The following PFKP variants were observed in gnomAD, a reference collection of about 807,000 sequenced individuals.
The protein encoded by PFKP is ATP-dependent 6-phosphofructokinase, platelet type.
Under a neutral mutation model 94.3 loss-of-function variants are expected in PFKP, and 101 were observed. The ratio of observed to expected loss-of-function variants is 1.07; its 90% CI spans 0.91 to 1.26. The LOEUF (loss-of-function observed/expected upper bound fraction) is 1.26, where lower values mean the gene tolerates loss of function less well. PFKP is among the 50% of genes most tolerant of loss of function. PFKP has a pLI of 0.00. For missense variants in PFKP, 1,145 were observed against 1,103.3 expected (o/e 1.04, Z -0.53); for synonymous variants, 573 against 432.6 (o/e 1.32, Z -4.03).
chr10:3,121,803 C>CTTTTCTTTCTTT (rs1564339123), intron 16 of PFKP, among the ~76,000 whole-genome samples: 1 of 32,624 alleles, frequency 3.1e-5, no homozygotes, highest in Non-Finnish European at 5.9e-5. Flanking sequence ...CTTTTTTTTT[C>CTTTTCTTTCTTT]TTTTTTTTTT....
At chr10:3,089,105 T>G (rs1334414593) in intron 2 of PFKP, among the ~76,000 whole-genome samples, 5 of 152,038 alleles carry the variant, frequency 3.3e-5, no homozygotes, top group African/African-American at 1.2e-4. Flanking sequence ...CTAAATTTTT[T>G]TATTTTTAGT....
intron 1 of PFKP, among the ~76,000 whole-genome samples, chr10:3,071,651 G>A (rs931458931): frequency 2.6e-5 from 4 of 152,120 alleles, no homozygotes; most frequent in Non-Finnish European, 5.9e-5. Flanking sequence ...GGCTTCTGAA[G>A]GTCCTGGTGC....
intron 13 of PFKP, among the ~76,000 whole-genome samples, chr10:3,116,008 C>T (rs1161171121): frequency 3.3e-5 from 5 of 152,118 alleles, no homozygotes; most frequent in African/African-American, 4.8e-5. Flanking sequence ...TTGCTTTCCC[C>T]GTCTTTCTTG....
intron 2 of PFKP, among the ~76,000 whole-genome samples, chr10:3,091,448 T>C (rs962793326): frequency 3.9e-5 from 6 of 152,192 alleles, no homozygotes; most frequent in Admixed American, 1.3e-4. Context: ...ATGAATTTCA[T>C]ATCCTGTTGT....
intron 1 of PFKP, among the ~76,000 whole-genome samples, chr10:3,073,544 T>C (rs950903274): frequency 6.6e-6 from 1 of 151,794 alleles, no homozygotes; most frequent in Non-Finnish European, 1.5e-5. Flanking sequence ...GGTTTGCAAA[T>C]CGGGCAGATC....
At chr10:3,100,862 C>CCA in intron 3 of PFKP, 1 of 653,980 alleles carries the variant, frequency 1.5e-6, no homozygotes, top group South Asian at 1.8e-5. Context: ...GTATGTGGTG[C>CCA]AAAAAAAAAA....
In PFKP at chr10:3,136,776, TA is replaced by T. The variant is rs981379208; in HGVS notation, c.*199del. The T allele has an allele frequency of 1.1e-5, 3 of 268,804 alleles. No individual in the cohort carries two copies. The highest frequency in any genetic ancestry group is 8.3e-5 in the African/African-American group (2 of 23,996). 16.7% of individuals were successfully genotyped at this position (268,804 alleles called of 1,614,324 possible). On this transcript the variant is annotated 3_prime_UTR_variant, in exon 22 of 22. Transcript: ENST00000381125. Reference sequence around the variant, plus strand: ...TTTCAGATGTGCATATGAGCAGAATTAATTAAACATTTGCCTATGACTCCAA... The same window carrying T: ...TTTCAGATGTGCATATGAGCAGAATTATTAAACATTTGCCTATGACTCCAA...
intron 19 of PFKP, among the ~76,000 whole-genome samples, chr10:3,133,948 C>G (rs554646007): frequency 6.6e-6 from 1 of 152,292 alleles, no homozygotes; most frequent in East Asian, 1.9e-4. Context: ...ATGTAGTATA[C>G]TTGACACCCC....
intron 11 of PFKP, 114 bp from the exon 12 acceptor site, chr10:3,113,005 A>C: frequency 1.1e-6 from 1 of 923,976 alleles, no homozygotes. Flanking sequence ...CCTTCTGCCC[A>C]GATAGTCGGG....
At chr10:3,101,278 C>A (rs117969814) in intron 3 of PFKP, 87 bp from the exon 4 acceptor site, 3 of 1,083,164 alleles carry the variant, frequency 2.8e-6, no homozygotes, top group Non-Finnish European at 4.0e-6. Flanking sequence ...AATTCTAGCA[C>A]CCCATGTTTA....
intron 15 of PFKP, among the ~76,000 whole-genome samples, chr10:3,119,408 C>T (rs1837157614): frequency 6.6e-6 from 1 of 151,834 alleles, no homozygotes; most frequent in Non-Finnish European, 1.5e-5. Context: ...GAGTTCAAGA[C>T]CAGCCTGACC....
chr10:3,071,358 T>G (rs1194580167), intron 1 of PFKP, among the ~76,000 whole-genome samples: 1 of 150,708 alleles, frequency 6.6e-6, no homozygotes, highest in Non-Finnish European at 1.5e-5. Flanking sequence ...AGAAAGTATT[T>G]CTCAGGCTGT....
At chr10:3,134,628 T>G in intron 20 of PFKP, 46 bp downstream of exon 20, 1 of 1,250,750 alleles carries the variant, frequency 8.0e-7, no homozygotes, top group Non-Finnish European at 1.2e-6. Flanking sequence ...ATGCAGGCCG[T>G]CCTGCCTTGG....
At chr10:3,082,313 G>T (rs2131421714) in intron 1 of PFKP, 75 bp from the exon 2 acceptor site, 3 of 1,088,200 alleles carry the variant, frequency 2.8e-6, no homozygotes, top group East Asian at 2.5e-5. Context: ...ACGGACCCAT[G>T]GTCATGGGTA....
At chr10:3,077,431 T>C (rs1350974556) in intron 1 of PFKP, among the ~76,000 whole-genome samples, 1 of 151,518 alleles carries the variant, frequency 6.6e-6, no homozygotes, top group African/African-American at 2.4e-5. Flanking sequence ...CCGGCTAATT[T>C]TTTTTTTTGT....
intron 1 of PFKP, among the ~76,000 whole-genome samples, chr10:3,078,006 C>A (rs1832749197): frequency 1.3e-5 from 2 of 152,182 alleles, no homozygotes; most frequent in African/African-American, 4.8e-5. Flanking sequence ...GTTATTTTCT[C>A]CTGGAAATCC....
chr10:3,112,248 C>CGA lies in PFKP; in HGVS notation c.1120_1121dup (p.Arg375GlyfsTer18), dbSNP rs1183190496. 6.2e-7 allele frequency: 1 copy of CGA among 1,613,740 alleles called. No homozygotes were observed. ...CTCAGGATGTGCAGAAGGCGATGGACGAGAGGAGATTTCAAGATGCGGTTC... is the reference window on the plus strand; with the variant it reads ...CTCAGGATGTGCAGAAGGCGATGGACGAGAGAGGAGATTTCAAGATGCGGTTC... On this transcript the variant is annotated frameshift_variant, in exon 11 of 22. Coordinates refer to ENST00000381125, the MANE Select transcript of PFKP (RefSeq NM_002627.5). LOFTEE classifies it high-confidence loss of function.
intron 2 of PFKP, among the ~76,000 whole-genome samples, chr10:3,092,420 C>CAA (rs1243752426): frequency 6.6e-6 from 1 of 152,012 alleles, no homozygotes; most frequent in Non-Finnish European, 1.5e-5. Context: ...TGGATGGGTG[C>CAA]AAACATATGC....
At chr10:3,132,568 G>A (rs563862008) in intron 18 of PFKP, 127 bp downstream of exon 18, 115 of 674,850 alleles carry the variant, frequency 1.7e-4, no homozygotes, top group Admixed American at 5.7e-4. Flanking sequence ...CACACACTGA[G>A]CAGGTGCAGA....
Sources: gnomAD v4.1 joint callset for allele counts (sites outside exome capture counted in the v4.1 genomes callset) on GRCh38, gnomAD v4.1.1 for gene constraint, MANE v1.5 for transcripts, NCBI Gene and HGNC (gene_info 2026-07-23, HGNC 2026-07-21) for gene names.